ADGRL3: variants seen among roughly 807,000 people sequenced by gnomAD.
The protein encoded by ADGRL3 is calcium-independent alpha-latrotoxin receptor 3.
Under a neutral mutation model 153.5 loss-of-function variants are expected in ADGRL3, and 62 were observed. The observed-to-expected ratio is 0.40, with a 90% confidence interval of 0.33 to 0.50. ADGRL3 has a LOEUF of 0.50. Ranked by LOEUF, ADGRL3 falls within the 20% of genes least tolerant of loss-of-function variation. The probability of loss-of-function intolerance (pLI) is 0.47; values close to 1 mark genes in which losing one functional copy is unlikely to be tolerated. For synonymous variants in ADGRL3, 710 were observed against 672.5 expected (o/e 1.06, Z -0.86); for missense variants, 1,641 against 1,859.4 (o/e 0.88, Z 2.16).
intron 2 of ADGRL3, among the ~76,000 whole-genome samples, chr4:61,464,421 C>A (rs542556496): frequency 1.3e-5 from 2 of 152,144 alleles, no homozygotes; most frequent in Non-Finnish European, 2.9e-5. Context: ...CTAAATCAGG[C>A]TCCCTCAATT....
At chr4:61,757,151 G>T (rs1418645406) in intron 8 of ADGRL3, among the ~76,000 whole-genome samples, 1 of 152,178 alleles carries the variant, frequency 6.6e-6, no homozygotes, top group Non-Finnish European at 1.5e-5. Context: ...AGTTAGGGAA[G>T]ATTCCCTCTT....
At chr4:61,459,070 T>C (rs2097782901) in intron 2 of ADGRL3, among the ~76,000 whole-genome samples, 1 of 151,540 alleles carries the variant, frequency 6.6e-6, no homozygotes, top group South Asian at 2.1e-4. Context: ...TTTCTTCACA[T>C]TCTATTAAAT....
intron 1 of ADGRL3, among the ~76,000 whole-genome samples, chr4:61,250,882 T>C (rs1156301451): frequency 6.6e-6 from 1 of 152,178 alleles, no homozygotes; most frequent in Non-Finnish European, 1.5e-5. Flanking sequence ...ATAGGTTAAA[T>C]GGGAGTGTTA....
chr4:61,291,154 C>T (rs1041991561), intron 1 of ADGRL3, among the ~76,000 whole-genome samples: 4 of 146,154 alleles, frequency 2.7e-5, no homozygotes, highest in African/African-American at 1.0e-4. Context: ...TTTTAAAGGC[C>T]TAAGATTTTG....
intron 7 of ADGRL3, among the ~76,000 whole-genome samples, chr4:61,731,275 C>T (rs2096437102): frequency 6.6e-6 from 1 of 151,900 alleles, no homozygotes; most frequent in Non-Finnish European, 1.5e-5. Flanking sequence ...TAGTAATGTA[C>T]TTTTCTTTTT....
At chr4:61,606,536 T>A (rs1046738232) in intron 5 of ADGRL3, among the ~76,000 whole-genome samples, 3 of 152,216 alleles carry the variant, frequency 2.0e-5, no homozygotes, top group African/African-American at 7.2e-5. Flanking sequence ...AAACTCCTTG[T>A]GTCTCTTTCT....
At chr4:61,303,047 A>G (rs541228529) in intron 1 of ADGRL3, among the ~76,000 whole-genome samples, 1 of 152,304 alleles carries the variant, frequency 6.6e-6, no homozygotes, top group South Asian at 2.1e-4. Flanking sequence ...TATAGACATC[A>G]TTGACACCTC....
intron 1 of ADGRL3, among the ~76,000 whole-genome samples, chr4:61,375,020 C>A (rs2096587099): frequency 6.6e-6 from 1 of 151,944 alleles, no homozygotes; most frequent in South Asian, 2.1e-4. Context: ...AGTAAGGATT[C>A]TGGCATATTG....
intron 15 of ADGRL3, among the ~76,000 whole-genome samples, chr4:61,946,191 C>G (rs904325854): frequency 3.9e-5 from 6 of 152,078 alleles, no homozygotes; most frequent in Admixed American, 3.9e-4. Context: ...CAGAAGCGTA[C>G]GAGAGTTCCA....
At chr4:61,646,767 G>T (rs1251864691) in intron 5 of ADGRL3, among the ~76,000 whole-genome samples, 2 of 152,174 alleles carry the variant, frequency 1.3e-5, no homozygotes, top group African/African-American at 4.8e-5. Context: ...GGAGCCTACA[G>T]AGGCAGGCAG....
chr4:61,698,210 G>A (rs1282364780), intron 6 of ADGRL3, among the ~76,000 whole-genome samples: 1 of 152,126 alleles, frequency 6.6e-6, no homozygotes, highest in Non-Finnish European at 1.5e-5. Flanking sequence ...CTAGCACTTT[G>A]GGAGGCCAAG....
At chr4:61,813,351 G>A (rs2198056) in intron 8 of ADGRL3, among the ~76,000 whole-genome samples, 58,229 of 151,924 alleles carry the variant, frequency 0.38, 11,917 homozygotes, top group East Asian at 0.62. Context: ...TTGAGATCAC[G>A]CCACTGCACT....
At chr4:62,031,306 T>C in intron 22 of ADGRL3, 136 bp from the exon 23 acceptor site, 2 of 640,384 alleles carry the variant, frequency 3.1e-6, no homozygotes, top group Non-Finnish European at 5.1e-6. Flanking sequence ...CTTAAAGTAC[T>C]TACACCACCT....
At chr4:61,999,678 C>T (rs964441510) in intron 21 of ADGRL3, among the ~76,000 whole-genome samples, 1 of 152,086 alleles carries the variant, frequency 6.6e-6, no homozygotes, top group African/African-American at 2.4e-5. Flanking sequence ...CATTCGGTGC[C>T]TGACAGTTCC....
intron 21 of ADGRL3, among the ~76,000 whole-genome samples, chr4:62,025,903 T>C (rs984374674): frequency 1.3e-5 from 2 of 152,138 alleles, no homozygotes; most frequent in Non-Finnish European, 2.9e-5. Context: ...CTATAGAAAC[T>C]AGTTCTGTGG....
At chr4:61,966,700 C>T (rs1010881718) in intron 17 of ADGRL3, among the ~76,000 whole-genome samples, 2 of 151,990 alleles carry the variant, frequency 1.3e-5, no homozygotes, top group Admixed American at 6.6e-5. Flanking sequence ...TCAATGAGAT[C>T]TCTGGGTTTA....
At chr4:61,579,782 C>T (rs2098915820) in intron 4 of ADGRL3, among the ~76,000 whole-genome samples, 1 of 151,986 alleles carries the variant, frequency 6.6e-6, no homozygotes, top group Non-Finnish European at 1.5e-5. Context: ...CACTTTGTTA[C>T]ACTTAGTTAA....
At chr4:61,383,559 A>G (rs973634757) in intron 2 of ADGRL3, among the ~76,000 whole-genome samples, 5 of 151,770 alleles carry the variant, frequency 3.3e-5, no homozygotes, top group African/African-American at 1.2e-4. Flanking sequence ...GAATAACCAT[A>G]TTGAGTTTTT....
chr4:61,884,593 C>T (rs1182638786), intron 9 of ADGRL3, among the ~76,000 whole-genome samples: 5 of 152,034 alleles, frequency 3.3e-5, no homozygotes, highest in Non-Finnish European at 7.4e-5. Context: ...CTCTCAACTG[C>T]AGTGAGCAGG....
Sources: gnomAD v4.1 joint callset for allele counts (sites outside exome capture counted in the v4.1 genomes callset) on GRCh38, gnomAD v4.1.1 for gene constraint, MANE v1.5 for transcripts, NCBI Gene and HGNC (gene_info 2026-07-23, HGNC 2026-07-21) for gene names.